ZCCHC2: variants seen among roughly 807,000 people sequenced by gnomAD.
ZCCHC2 encodes the protein zinc finger CCHC domain-containing protein 2.
ZCCHC2 carries 39 observed loss-of-function variants against 103.6 expected under a neutral mutation model. The observed-to-expected ratio is 0.38, with a 90% CI of 0.29 to 0.49. ZCCHC2 has a LOEUF of 0.49. Among genes scored for constraint, ZCCHC2 ranks in the 20% least tolerant of loss-of-function variants. The pLI, the probability that ZCCHC2 is intolerant of heterozygous loss-of-function variation, is 0.96. For missense variants in ZCCHC2, 1,483 were observed against 1,491.0 expected (o/e 0.99, Z 0.09); for synonymous variants, 687 against 608.9 (o/e 1.13, Z -1.89).
Position 62,548,593 on chromosome 18 carries a change from T to G in ZCCHC2, c.1201-1755T>G, listed in dbSNP as rs186329455. 2.2e-3 allele frequency among the ~76,000 whole-genome samples: 336 copies of G among 152,292 alleles called. 2 individuals carry two copies. The highest frequency in any genetic ancestry group is 3.7e-3 in the Admixed American group (57 of 15,306). On this transcript the variant is annotated intron_variant, in intron 4 of 13. Transcript: ENST00000269499. ...ATCAGTCTGTATTAAAATGCTAATA[T>G]CAAAATATAAATATTGAAATGAGGG...
chr18:62,584,696 C>T (rs1673292543), exon 15 of ZCCHC2: 2 of 152,244 alleles, frequency 1.3e-5, no homozygotes, highest in Admixed American at 1.3e-4. Flanking sequence ...CTCATTCAGC[C>T]GTTGAAATGT....
chr18:62,554,975 A>G (rs1238506975), intron 5 of ZCCHC2, among the ~76,000 whole-genome samples: 1 of 152,246 alleles, frequency 6.6e-6, no homozygotes, highest in Admixed American at 6.5e-5. Flanking sequence ...TAATAGGTCA[A>G]AAACCTTGGG....
chr18:62,539,271 T>C (rs1915068831), intron 1 of ZCCHC2, among the ~76,000 whole-genome samples: 1 of 152,226 alleles, frequency 6.6e-6, no homozygotes, highest in African/African-American at 2.4e-5. Flanking sequence ...GACTTTTTCC[T>C]AATAAAGCAT....
At chr18:62,584,171 CTG>C (rs1917112969) in intron 14 of ZCCHC2, among the ~76,000 whole-genome samples, 2 of 152,190 alleles carry the variant, frequency 1.3e-5, no homozygotes, top group African/African-American at 4.8e-5. Flanking sequence ...CACCTGAGTT[CTG>C]TGTGTGTATG....
intron 5 of ZCCHC2, among the ~76,000 whole-genome samples, chr18:62,555,722 A>G (rs1337588433): frequency 6.6e-6 from 1 of 152,106 alleles, no homozygotes; most frequent in Non-Finnish European, 1.5e-5. Flanking sequence ...ACAGGAGAAT[A>G]GCTTGAACCT....
intron 11 of ZCCHC2, among the ~76,000 whole-genome samples, chr18:62,567,240 T>C (rs1222480976): frequency 6.6e-6 from 1 of 152,236 alleles, no homozygotes; most frequent in East Asian, 1.9e-4. Context: ...TCTTTAAGCA[T>C]TCAGTAAACT....
Position 62,576,541 on chromosome 18 carries a change from C to T in ZCCHC2, c.3499C>T (p.Leu1167Phe), listed in dbSNP as rs756765216. Residue 1167 changes from leucine to phenylalanine, a missense_variant, in exon 14 of 14, where the codon CTC becomes TTC. Leu to Phe is a conservative substitution (Grantham distance 22, BLOSUM62 0). Transcript: ENST00000269499. ...TTACAGACTGAGATACGCACCTCCC[C>T]TCCCCCCTTCTAATGATACGTTGGA... ...GTYRLRYAPP[L>F]PPSNDTLDSA... 3.7e-6 allele frequency: 6 copies of T among 1,613,700 alleles called. No homozygotes were observed. Among genetic ancestry groups the T allele is most frequent in the Admixed American group, 3.3e-5 (2 of 59,998 alleles).
chr18:62,582,149 A>G (rs1917053410), downstream of ZCCHC2, among the ~76,000 whole-genome samples: 1 of 152,234 alleles, frequency 6.6e-6, no homozygotes, highest in South Asian at 2.1e-4. Flanking sequence ...GGAAGTTTCC[A>G]AGTTTTGAAT....
In ZCCHC2 at chr18:62,539,924, C is replaced by G. The variant is rs1915101910; in HGVS notation, c.1051+132C>G. 5.7e-6 allele frequency: 4 copies of G among 704,968 alleles called. No homozygotes were observed. In the Admixed American group the frequency reaches 1.1e-4, roughly 19 times the overall value. 43.7% of individuals were successfully genotyped at this position (704,968 alleles called of 1,614,324 possible). On this transcript the variant is annotated intron_variant, in intron 2 of 13. Transcript: ENST00000269499. ...GAAGTCCTACTGGTCCTAGGCTTCA[C>G]TCAAGAGCCAGTCCTCCTAGTTCTG...
chr18:62,573,931 A>G (rs1436572071), intron 12 of ZCCHC2, 126 bp from the exon 13 acceptor site: 3 of 950,048 alleles, frequency 3.2e-6, no homozygotes, highest in Non-Finnish European at 4.7e-6. Flanking sequence ...CAGCTTGGAC[A>G]GTCAGGAAAC....
rs745813308 is a variant in ZCCHC2 at position 62,576,547 on chromosome 18, C to T, written c.3505C>T (p.Pro1169Ser). The T allele has an allele frequency of 1.9e-6, 3 of 1,613,854 alleles. No homozygotes were observed. The highest frequency in any genetic ancestry group is 2.5e-6 in the Non-Finnish European group (3 of 1,179,806). ...YRLRYAPPLP[P>S]SNDTLDSAD is the part of the protein sequence containing the mutation. ...ACTGAGATACGCACCTCCCCTCCCC[C>T]CTTCTAATGATACGTTGGATTCTGC... Residue 1169 changes from proline (P) to serine (S), a missense_variant, in exon 14 of 14, where the codon CCT becomes TCT. Pro to Ser is a moderately conservative substitution (Grantham distance 74, BLOSUM62 -1). Around this residue, in one of 3 missense-constraint regions of ZCCHC2, gnomAD observed 884 missense variants for 907.5 expected, o/e 0.97. Coordinates refer to ENST00000269499, the MANE Select transcript of ZCCHC2 (RefSeq NM_017742.6).
rs751265173 is a variant in ZCCHC2 at position 62,523,844 on chromosome 18, G to A, written c.420G>A (p.Lys140=). 21 of 1,544,988 alleles carry A rather than the reference G, an allele frequency of 1.4e-5. No individual in the cohort carries two copies. The highest frequency in any genetic ancestry group is 7.1e-5 in the South Asian group (6 of 83,964). The change falls in exon 1 of 14, where the codon AAG becomes AAA. Residue 140 remains lysine (K), a synonymous_variant. Coordinates refer to ENST00000269499, the MANE Select transcript of ZCCHC2 (RefSeq NM_017742.6). ...LGSCLEDLAR[K]DYHYLRDSEA... ...CGTGCCTGGAGGACCTGGCGCGCAA[G>A]GACTACCACTACCTGCGCGACTCGG...
chr18:62,564,486 C>CT, intron 9 of ZCCHC2, 85 bp from the exon 10 acceptor site: 1 of 986,218 alleles, frequency 1.0e-6, no homozygotes, highest in South Asian at 1.9e-5. Flanking sequence ...AACTGGGAAT[C>CT]TATCATTTTA....
chr18:62,546,270 C>T (rs1252707494), intron 4 of ZCCHC2, among the ~76,000 whole-genome samples: 2 of 152,100 alleles, frequency 1.3e-5, no homozygotes, highest in South Asian at 2.1e-4. Context: ...TGGCCTAGAC[C>T]GGGGCAGGCT....
rs781243799 is a variant in ZCCHC2 at position 62,574,419 on chromosome 18, G to A, written c.2338G>A (p.Gly780Arg). The A allele has an allele frequency of 3.7e-6, 6 of 1,613,976 alleles. No individual in the cohort carries two copies. Among genetic ancestry groups the A allele is most frequent in the Non-Finnish European group, 5.1e-6 (6 of 1,179,888 alleles). ...VGILGPTACT[G>R]ESEKHLELLA... ...AATACTAGGGCCAACAGCTTGCACT[G>A]GAGAATCGGAAAAGCACCTTGAGTT... The change falls in exon 13 of 14, where the codon GGA (glycine) becomes AGA (arginine). Residue 780 changes from glycine to arginine, a missense_variant. By Grantham distance (125) the Gly-to-Arg change is moderately radical. Transcript: ENST00000269499.
chr18:62,549,051 C>T (rs1568546622), intron 4 of ZCCHC2, among the ~76,000 whole-genome samples: 1 of 150,530 alleles, frequency 6.6e-6, no homozygotes, highest in African/African-American at 2.5e-5. Flanking sequence ...AACCCTGTCT[C>T]TACTAAAAAT....
At position 62,542,482 on chromosome 18, in the gene ZCCHC2, G is replaced by A. The variant is rs369475425; in HGVS notation, c.1052-16G>A. 38 of 1,547,402 alleles carry A rather than the reference G, an allele frequency of 2.5e-5. No individual in the cohort carries two copies. The South Asian group carries it at 4.1e-4, about 17-fold the overall frequency. On this transcript the variant is annotated splice_polypyrimidine_tract_variant and intron_variant, in intron 2 of 13. Transcript: ENST00000269499. The stretch of plus-strand genomic sequence containing the variant: ...GTCTTTGTAGCACAAGTCACCGTGT[G>A]TTTTTTTTCTTTCAGCTGTACACAT...
Position 62,577,200 on chromosome 18 carries a change from A to T in ZCCHC2, c.*621A>T, listed in dbSNP as rs1181903340. 1 of 152,694 alleles carries T rather than the reference A, an allele frequency of 6.5e-6. No individual in the cohort carries two copies. Among genetic ancestry groups the T allele is most frequent in the Admixed American group, 6.5e-5 (1 of 15,286 alleles). 9.5% of individuals were successfully genotyped at this position (152,694 alleles called of 1,614,324 possible). ...GTAATAAACAGCGTCACGTAAATAC[A>T]TATATGCAGTGCTTGTTGTCCAAAT... is the stretch of plus-strand genomic sequence containing the variant. On this transcript the variant is annotated 3_prime_UTR_variant, in exon 14 of 14. Coordinates refer to ENST00000269499, the MANE Select transcript of ZCCHC2 (RefSeq NM_017742.6).
chr18:62,537,746 A>G (rs143488535), intron 1 of ZCCHC2, among the ~76,000 whole-genome samples: 250 of 152,326 alleles, frequency 1.6e-3, no homozygotes, highest in African/African-American at 5.8e-3. Flanking sequence ...ACACTGATGT[A>G]CAGATTATGT....
Sources: allele counts gnomAD v4.1 joint callset (sites outside exome capture counted in the v4.1 genomes callset), GRCh38; gene constraint gnomAD v4.1.1; regional missense constraint gnomAD v4.1.1; transcripts MANE v1.5; gene names NCBI Gene and HGNC (gene_info 2026-07-23, HGNC 2026-07-21).